Variants in STMN1 observed in about 807,000 individuals in gnomAD.
The protein encoded by STMN1 is stathmin 1.
Under a neutral mutation model 19.7 loss-of-function variants are expected in STMN1, and 3 were observed. That is an observed-to-expected ratio of 0.15 (90% confidence interval 0.07 to 0.39). STMN1 has a LOEUF of 0.39. Among genes scored for constraint, STMN1 ranks in the 10% least tolerant of loss-of-function variants. STMN1 has a pLI of 1.00. For synonymous variants in STMN1, 59 were observed against 58.9 expected, an observed-to-expected ratio of 1.00 and a Z score of -0.01; for missense variants, 99 against 176.0, an observed-to-expected ratio of 0.56 and a Z score of 2.48.
At chr1:25,895,342 G>A (rs1220295210), downstream of STMN1, among the ~76,000 whole-genome samples, 2 of 152,014 alleles carry the variant, frequency 1.3e-5, no homozygotes, top group South Asian at 2.1e-4. Flanking sequence ...TCCTGACCTC[G>A]TGATCTGCCC....
intron 4 of STMN1, among the ~76,000 whole-genome samples, chr1:25,887,985 CTTGTTG>C (rs909993209): frequency 1.3e-5 from 2 of 151,844 alleles, no homozygotes; most frequent in Admixed American, 1.3e-4. Context: ...GTGCCCGGCC[CTTGTTG>C]TTGTTGTTGT....
chr1:25,890,300 G>A (rs2048760858), intron 4 of STMN1, among the ~76,000 whole-genome samples: 1 of 152,194 alleles, frequency 6.6e-6, no homozygotes, highest in Non-Finnish European at 1.5e-5. Flanking sequence ...ATTGCCCAGT[G>A]TAGGAGATCA....
downstream of STMN1, among the ~76,000 whole-genome samples, chr1:25,896,398 G>C (rs577687696): frequency 1.3e-5 from 2 of 152,262 alleles, no homozygotes; most frequent in African/African-American, 4.8e-5. Context: ...CTGCCAGTGA[G>C]GGGAGCAGGA....
chr1:25,885,952 A>G (rs1311554082), intron 4 of STMN1: 2 of 1,426,920 alleles, frequency 1.4e-6, no homozygotes, highest in Admixed American at 2.9e-5. Flanking sequence ...CATCAGGGCT[A>G]AAACAGTGGT....
At chr1:25,892,380 CTTT>C (rs35541438) in intron 4 of STMN1, 329 of 173,414 alleles carry the variant, frequency 1.9e-3, no homozygotes, top group Non-Finnish European at 2.6e-3. Flanking sequence ...CAGAGCAAGA[CTTT>C]TTTTTTTTTT....
downstream of STMN1, among the ~76,000 whole-genome samples, chr1:25,899,603 A>G (rs1426831450): frequency 2.6e-5 from 4 of 152,224 alleles, no homozygotes; most frequent in African/African-American, 9.6e-5. Flanking sequence ...CCAACTCAAG[A>G]GTATAAACTT....
intron 2 of STMN1, among the ~76,000 whole-genome samples, 167 bp from the exon 3 acceptor site, chr1:25,903,980 G>A (rs1258797174): frequency 1.3e-5 from 2 of 152,098 alleles, no homozygotes; most frequent in Non-Finnish European, 2.9e-5. Context: ...CTGACACTAG[G>A]GGAAGATGTA....
chr1:25,890,999 G>A (rs1313322502), intron 4 of STMN1, among the ~76,000 whole-genome samples: 1 of 152,036 alleles, frequency 6.6e-6, no homozygotes, highest in Non-Finnish European at 1.5e-5. Flanking sequence ...TATAAAATGG[G>A]ATAAAAAAGA....
chr1:25,884,880 C>T (rs2048709302), downstream of STMN1: 1 of 153,594 alleles, frequency 6.5e-6, no homozygotes, highest in African/African-American at 2.4e-5. Context: ...GCCAGAGCCC[C>T]TTGAACTCCT....
Position 25,901,009 on chromosome 1 carries a change from G to C in STMN1, c.*7C>G. The C allele has an allele frequency of 6.2e-7, 1 of 1,603,892 alleles. No homozygotes were observed. The highest frequency in any genetic ancestry group is 1.1e-5 in the South Asian group (1 of 90,818). ...GGGATGGGGAGAAAGTCAGTTCTCAGAACAAATTAGTCAGCTTCAGTCTCG... is the reference window on the plus strand; with the variant it reads ...GGGATGGGGAGAAAGTCAGTTCTCACAACAAATTAGTCAGCTTCAGTCTCG... On this transcript the variant is annotated 3_prime_UTR_variant, in exon 5 of 5. Transcript: ENST00000455785.
At chr1:25,903,384 A>G in intron 3 of STMN1, 1 of 383,012 alleles carries the variant, frequency 2.6e-6, no homozygotes, top group Non-Finnish European at 4.7e-6. Flanking sequence ...CTGCAGAAAA[A>G]CGACTTAACA....
intron 4 of STMN1, among the ~76,000 whole-genome samples, chr1:25,893,148 C>T (rs185307223): frequency 8.0e-4 from 122 of 152,072 alleles, no homozygotes; most frequent in African/African-American, 2.8e-3. Context: ...TTGAAAAAAA[C>T]GAAATGAAAA....
At chr1:25,894,850 G>T (rs1436322993) in intron 4 of STMN1, among the ~76,000 whole-genome samples, 1 of 152,082 alleles carries the variant, frequency 6.6e-6, no homozygotes, top group Non-Finnish European at 1.5e-5. Context: ...GGGATTACAG[G>T]TGTGTACCAC....
chr1:25,884,300 T>C (rs159530), downstream of STMN1: 85,226 of 151,852 alleles, frequency 0.56, 24,210 homozygotes, highest in South Asian at 0.74. Context: ...GCTCAGGGTA[T>C]GTTCAATTTT....
chr1:25,906,435 C>T (rs917608139), upstream of STMN1: 2 of 154,328 alleles, frequency 1.3e-5, no homozygotes, highest in African/African-American at 4.8e-5. The surrounding 1 kb of genome is among the most constrained non-coding windows in gnomAD (Gnocchi z 4.5). Context: ...CCAACAGACC[C>T]GGGCGCGCAC....
At chr1:25,890,619 A>G (rs2048764008) in intron 4 of STMN1, among the ~76,000 whole-genome samples, 1 of 152,220 alleles carries the variant, frequency 6.6e-6, no homozygotes. Context: ...AATAAAAGCA[A>G]GCAGCCCCAG....
chr1:25,899,821 C>T (rs553850688), downstream of STMN1, among the ~76,000 whole-genome samples: 12 of 152,186 alleles, frequency 7.9e-5, no homozygotes, highest in African/African-American at 2.7e-4. Flanking sequence ...GAGGCACATG[C>T]GTTAGCAACA....
intron 4 of STMN1, among the ~76,000 whole-genome samples, chr1:25,889,837 C>T (rs12074469): frequency 0.029 from 4,490 of 152,288 alleles, 224 homozygotes; most frequent in African/African-American, 0.1. Context: ...CCCTTGCCCA[C>T]CTCATCCAGC....
At chr1:25,895,331 T>C (rs1270931834), downstream of STMN1, among the ~76,000 whole-genome samples, 4 of 151,748 alleles carry the variant, frequency 2.6e-5, no homozygotes. Context: ...TGGTCTCAAT[T>C]TCCTGACCTC....
Sources: allele counts gnomAD v4.1 joint callset (sites outside exome capture counted in the v4.1 genomes callset), GRCh38; gene constraint gnomAD v4.1.1; non-coding constraint Gnocchi (gnomAD v3.1); transcripts MANE v1.5; gene names NCBI Gene and HGNC (gene_info 2026-07-23, HGNC 2026-07-21).